The following ZNF85 variants were observed in gnomAD, a reference collection of about 807,000 sequenced individuals.
ZNF85 encodes the protein zinc finger protein 85 (HPF4, HTF1).
A neutral mutation model predicts 53.9 loss-of-function variants in ZNF85; 50 were observed. The ratio of observed to expected loss-of-function variants is 0.93; its 90% CI spans 0.74 to 1.17. The LOEUF is 1.17. ZNF85 is among the 50% of genes most tolerant of loss of function. The probability of loss-of-function intolerance (pLI) is 0.00; values close to 1 mark genes in which losing one functional copy is unlikely to be tolerated. For missense variants in ZNF85, 747 were observed against 688.5 expected, an observed-to-expected ratio of 1.08 and a Z score of -0.95; for synonymous variants, 225 against 226.1, an observed-to-expected ratio of 1.00 and a Z score of 0.04.
intron 3 of ZNF85, among the ~76,000 whole-genome samples, chr19:20,942,169 ATT>A (rs61170980): frequency 6.8e-6 from 1 of 146,368 alleles, no homozygotes; most frequent in Non-Finnish European, 1.5e-5. Flanking sequence ...ATTATTATTA[ATT>A]TTTTTTTTTT....
rs531566342 is a variant in ZNF85 at position 20,934,243 on chromosome 19, A to G, written c.130+93A>G. ...GTTTTTCTGGTAAAGTGTGCTTTGC[A>G]TAAATTAGTTTCAGATCCCTGTTTT... is the stretch of plus-strand genomic sequence containing the variant. On this transcript the variant is annotated intron_variant, in intron 2 of 3. Transcript: ENST00000328178. 14 of 1,494,846 alleles carry G rather than the reference A, an allele frequency of 9.4e-6. 1 individual carries two copies. The Admixed American group carries it at 2.9e-4, about 30-fold the overall frequency. 92.6% of individuals were successfully genotyped at this position (1,494,846 alleles called of 1,614,324 possible). A position where few individuals can be genotyped will look rare whatever the true frequency, so the allele number is the denominator to read the frequency against.
chr19:20,941,271 C>T (rs1187296176), intron 3 of ZNF85, among the ~76,000 whole-genome samples: 2 of 151,534 alleles, frequency 1.3e-5, no homozygotes, highest in African/African-American at 4.9e-5. Flanking sequence ...CCTTTCTTCC[C>T]TCCCCCCACT....
At chr19:20,935,152 A>G in intron 3 of ZNF85, 105 bp downstream of exon 3, 2 of 686,866 alleles carry the variant, frequency 2.9e-6, no homozygotes, top group Non-Finnish European at 4.6e-6. Context: ...TGTTCCAAAG[A>G]AAATAGTTTC....
intron 3 of ZNF85, among the ~76,000 whole-genome samples, chr19:20,945,008 A>C (rs1973386857): frequency 6.6e-6 from 1 of 152,148 alleles, no homozygotes; most frequent in Non-Finnish European, 1.5e-5. Context: ...AGTAGTCATA[A>C]AAATTCTTCT....
At chr19:20,940,311 G>T (rs1421686285) in intron 3 of ZNF85, among the ~76,000 whole-genome samples, 4 of 152,060 alleles carry the variant, frequency 2.6e-5, no homozygotes, top group Non-Finnish European at 4.4e-5. Context: ...AGACAAAGAG[G>T]ATCACTTGAA....
In ZNF85 at chr19:20,949,499, C is replaced by A. The variant is rs777297228; in HGVS notation, c.985C>A (p.Leu329Ile). Residue 329 changes from leucine (L) to isoleucine (I), a missense_variant, in exon 4 of 4, where the codon CTT (leucine) becomes ATT (isoleucine). Leu to Ile is a conservative substitution (Grantham distance 5, BLOSUM62 2). Coordinates refer to ENST00000328178, the MANE Select transcript of ZNF85 (RefSeq NM_003429.5). ...CGKAFKQSSN[L>I]TTHKIIHTGE... ...CAAAGCCTTTAAGCAGTCCTCAAACCTTACTACACATAAGATAATTCATAC... is the reference window on the plus strand; with the variant it reads ...CAAAGCCTTTAAGCAGTCCTCAAACATTACTACACATAAGATAATTCATAC... 2 of 1,613,406 alleles carry A rather than the reference C, an allele frequency of 1.2e-6. No individual in the cohort carries two copies. The highest frequency in any genetic ancestry group is 8.5e-7 in the Non-Finnish European group (1 of 1,179,718).
At chr19:20,932,833 G>GT (rs111456546) in intron 1 of ZNF85, among the ~76,000 whole-genome samples, 1,819 of 152,148 alleles carry the variant, frequency 0.012, 33 homozygotes, top group African/African-American at 0.035. Flanking sequence ...TCAGACTATA[G>GT]TTTGGAGGAG....
intron 1 of ZNF85, chr19:20,928,688 C>A (rs1444548099): frequency 6.6e-6 from 1 of 152,284 alleles, no homozygotes; most frequent in Non-Finnish European, 1.5e-5. Context: ...ATCCCAACCC[C>A]CAGACACTGA....
chr19:20,941,835 C>G (rs1973303623), intron 3 of ZNF85, among the ~76,000 whole-genome samples: 2 of 152,036 alleles, frequency 1.3e-5, no homozygotes, highest in African/African-American at 4.8e-5. Context: ...TTCTTTGTTG[C>G]TCATGCGTTT....
Position 20,950,499 on chromosome 19 carries a change from G to C in ZNF85, c.*197G>C, listed in dbSNP as rs28441279. 5.9e-3 allele frequency: 2,633 copies of C among 443,536 alleles called. 49 individuals are homozygous for C. The highest frequency in any genetic ancestry group is 0.05 in the African/African-American group (2,360 of 47,168). 27.5% of individuals were successfully genotyped at this position (443,536 alleles called of 1,614,324 possible). ...TCTTTAAATGGTTGTCACACTTTAG[G>C]TAAGATAATTCATATTGGAACAAAC... On this transcript the variant is annotated 3_prime_UTR_variant, in exon 4 of 4. Transcript: ENST00000328178.
In ZNF85 at chr19:20,949,174, T is replaced by A. The variant is rs1166248019; in HGVS notation, c.660T>A (p.His220Gln). Residue 220 changes from histidine (H) to glutamine (Q), a missense_variant, in exon 4 of 4, where the codon CAT (histidine) becomes CAA (glutamine). Transcript: ENST00000328178. ...AFNWSSTLTK[H>Q]KRIHTGEKPY... ...ACTGGTCCTCAACCCTTACTAAACA[T>A]AAGAGAATTCATACGGGAGAGAAAC... 1.4e-5 allele frequency: 23 copies of A among 1,613,382 alleles called. No homozygotes were observed. The highest frequency in any genetic ancestry group is 1.8e-5 in the Non-Finnish European group (21 of 1,179,764).
At position 20,949,380 on chromosome 19, in the gene ZNF85, A is replaced by C. The variant is rs1685749327; in HGVS notation, c.866A>C (p.Lys289Thr). Residue 289 changes from lysine (K) to threonine (T), a missense_variant, in exon 4 of 4, where the codon AAA becomes ACA. By Grantham distance (78) the Lys-to-Thr change is moderately conservative. Coordinates refer to ENST00000328178, the MANE Select transcript of ZNF85 (RefSeq NM_003429.5). ...ACTGGAGAGAAACCCTACAAATGTA[A>C]AGAATGTGGTAAAGCTTTTAACCGA... Reference protein sequence around the residue: ...IHTGEKPYKCKECGKAFNRSS... With the variant: ...IHTGEKPYKCTECGKAFNRSS... 3 of 1,609,642 alleles carry C rather than the reference A, an allele frequency of 1.9e-6. No homozygotes were observed. The highest frequency in any genetic ancestry group is 1.7e-6 in the Non-Finnish European group (2 of 1,177,020).
At chr19:20,940,537 C>CA (rs139040245) in intron 3 of ZNF85, among the ~76,000 whole-genome samples, 54,730 of 148,398 alleles carry the variant, frequency 0.37, 10,443 homozygotes, top group East Asian at 0.45. Context: ...ACCCTGTCTC[C>CA]AAAAAAAAAA....
intron 1 of ZNF85, among the ~76,000 whole-genome samples, chr19:20,931,118 C>T (rs1973007362): frequency 1.3e-5 from 2 of 152,148 alleles, no homozygotes; most frequent in Admixed American, 1.3e-4. Flanking sequence ...TTGGTTGTGA[C>T]AAGAGTGCTG....
Position 20,949,088 on chromosome 19 carries a change from CAT to C in ZNF85, c.576_577del (p.His192GlnfsTer6). On this transcript the variant is annotated frameshift_variant, in exon 4 of 4. Transcript: ENST00000328178. LOFTEE classifies it high-confidence loss of function. ...TGGCATGATTTCATGCCTAACTGAA[CAT>C]AGCAGAATTCATACTAGAGTAAATT... ...SFGMISCLTE[H>X]SRIHTRVNFY... is the part of the protein sequence containing the mutation. 6.2e-7 allele frequency: 1 copy of C among 1,613,742 alleles called. No individual in the cohort carries two copies. Among genetic ancestry groups the C allele is most frequent in the African/African-American group, 1.3e-5 (1 of 75,034 alleles).
chr19:20,946,444 TTTA>T (rs1380095917), intron 3 of ZNF85: 2 of 333,322 alleles, frequency 6.0e-6, no homozygotes, highest in South Asian at 2.5e-5. Flanking sequence ...ATTCTTTTTT[TTTA>T]TTATTATAGA....
At chr19:20,928,410 G>C (rs1972930461) in intron 1 of ZNF85, 1 of 152,226 alleles carries the variant, frequency 6.6e-6, no homozygotes, top group African/African-American at 2.4e-5. Context: ...CTGTACACAG[G>C]CTGTCACACT....
In ZNF85 at chr19:20,936,168, G is replaced by A. The variant is rs547946533; in HGVS notation, c.229+1121G>A. Among the ~76,000 whole-genome samples the A allele has an allele frequency of 2.4e-4, 36 of 152,174 alleles. 1 individual carries two copies. Among genetic ancestry groups the A allele is most frequent in the African/African-American group, 8.4e-4 (35 of 41,536 alleles). On this transcript the variant is annotated intron_variant, in intron 3 of 3. Transcript: ENST00000328178. ...TAATTTTATACTTTGCTAATTTACT[G>A]GGTGTATTTATTAGTTTAGACAGGT...
At chr19:20,929,355 A>C (rs1412426041) in intron 1 of ZNF85, among the ~76,000 whole-genome samples, 2 of 151,714 alleles carry the variant, frequency 1.3e-5, no homozygotes, top group African/African-American at 2.4e-5. Context: ...CACCTGGCTA[A>C]TTTTTGTATT....
Sources: gnomAD v4.1 joint callset for allele counts (sites outside exome capture counted in the v4.1 genomes callset) on GRCh38, gnomAD v4.1.1 for gene constraint, MANE v1.5 for transcripts, NCBI Gene and HGNC (gene_info 2026-07-23, HGNC 2026-07-21) for gene names.